The following EYS variants were observed in gnomAD, a reference collection of about 807,000 sequenced individuals.
The protein encoded by EYS is EGF-like photoreceptor maintenance factor.
EYS carries 250 observed loss-of-function variants against 282.1 expected under a neutral mutation model. The ratio of observed to expected loss-of-function variants is 0.89; its 90% CI spans 0.80 to 0.98. The LOEUF is 0.98. Among genes scored for constraint, EYS ranks in the 50% least tolerant of loss-of-function variants. EYS has a pLI of 0.00. For missense variants in EYS, 4,016 were observed against 3,709.0 expected (o/e 1.08, Z -2.15); for synonymous variants, 1,355 against 1,282.9 (o/e 1.06, Z -1.20).
intron 5 of EYS, among the ~76,000 whole-genome samples, chr6:65,417,333 T>A (rs573310994): frequency 6.6e-6 from 1 of 152,104 alleles, no homozygotes; most frequent in African/African-American, 2.4e-5. Flanking sequence ...TTAAGTAAAG[T>A]TATTATCTTG....
At chr6:65,644,704 A>C (rs1385153059) in intron 1 of EYS, among the ~76,000 whole-genome samples, 1 of 152,230 alleles carries the variant, frequency 6.6e-6, no homozygotes, top group East Asian at 1.9e-4. Flanking sequence ...CTATCAGATT[A>C]ACAGCAGATT....
chr6:63,894,165 G>A (rs1467001904), intron 35 of EYS, among the ~76,000 whole-genome samples: 1 of 152,180 alleles, frequency 6.6e-6, no homozygotes, highest in Non-Finnish European at 1.5e-5. Context: ...TGCATTTGGA[G>A]TCTAGACAAG....
chr6:65,637,971 G>T (rs148921809), intron 2 of EYS, among the ~76,000 whole-genome samples: 1 of 152,342 alleles, frequency 6.6e-6, no homozygotes, highest in African/African-American at 2.4e-5. Flanking sequence ...CCACCTTCAA[G>T]GCAGGGATGG....
At chr6:64,303,460 A>C (rs1282490436) in intron 30 of EYS, among the ~76,000 whole-genome samples, 1 of 152,184 alleles carries the variant, frequency 6.6e-6, no homozygotes, top group East Asian at 1.9e-4. Context: ...AAATAACAGA[A>C]AAGGGGGAGA....
chr6:64,138,859 C>T (rs1057117677), intron 31 of EYS, among the ~76,000 whole-genome samples: 5 of 152,044 alleles, frequency 3.3e-5, no homozygotes, highest in South Asian at 2.1e-4. Context: ...AATTAAAATC[C>T]GAAGCATGTT....
At chr6:64,410,106 T>C (rs1348555300) in intron 28 of EYS, among the ~76,000 whole-genome samples, 1 of 152,002 alleles carries the variant, frequency 6.6e-6, no homozygotes, top group African/African-American at 2.4e-5. Context: ...ACTGTGTTAG[T>C]GCAGATAAAA....
chr6:65,158,396 G>A (rs1764777351), intron 12 of EYS, among the ~76,000 whole-genome samples: 2 of 150,774 alleles, frequency 1.3e-5, no homozygotes, highest in Admixed American at 1.3e-4. Flanking sequence ...AATAATCAAT[G>A]ATAAAGCTAA....
At chr6:65,201,986 C>T (rs1765913757) in intron 12 of EYS, among the ~76,000 whole-genome samples, 1 of 152,012 alleles carries the variant, frequency 6.6e-6, no homozygotes, top group Non-Finnish European at 1.5e-5. Context: ...GTGACGCACA[C>T]CTGTAGTCCC....
intron 31 of EYS, among the ~76,000 whole-genome samples, chr6:64,092,707 T>C (rs1267863991): frequency 6.6e-6 from 1 of 151,764 alleles, no homozygotes; most frequent in Non-Finnish European, 1.5e-5. Flanking sequence ...GTAGGTTGCC[T>C]GTTCACTCTG....
intron 22 of EYS, among the ~76,000 whole-genome samples, chr6:64,656,682 T>A (rs1469001044): frequency 6.6e-6 from 1 of 152,142 alleles, no homozygotes; most frequent in Non-Finnish European, 1.5e-5. Flanking sequence ...CTAAGAAAGC[T>A]AAGGTGTGTA....
At chr6:63,869,345 G>A (rs374416086) in intron 35 of EYS, among the ~76,000 whole-genome samples, 6 of 151,952 alleles carry the variant, frequency 3.9e-5, no homozygotes, top group Admixed American at 6.6e-5. Flanking sequence ...ATAATCTCTC[G>A]CCTTCTCTCT....
Position 65,456,013 on chromosome 6 carries a change from G to GT in EYS, c.862+34580_862+34581insA, listed in dbSNP as rs1764592791. 7.0e-5 allele frequency among the ~76,000 whole-genome samples: 7 copies of GT among 99,534 alleles called. 1 individual carries two copies. In the South Asian group the frequency reaches 1.9e-3, roughly 27 times the overall value. 65.3% of individuals were successfully genotyped at this position (99,534 alleles called of 152,430 possible). A position where few individuals can be genotyped will look rare whatever the true frequency, so the allele number is the denominator to read the frequency against. On this transcript the variant is annotated intron_variant, in intron 5 of 42. Transcript: ENST00000503581. ...AGAGAGAGAAAGAAAAAGAAAGAAA[G>GT]AAGGAAGGAAGGAAGGGAAGAAAGA...
intron 22 of EYS, among the ~76,000 whole-genome samples, chr6:64,789,400 A>G (rs570495338): frequency 7.8e-4 from 119 of 152,250 alleles, no homozygotes; most frequent in Admixed American, 1.7e-3. Flanking sequence ...ATGCACATAC[A>G]CGTTCTCTCA....
intron 5 of EYS, among the ~76,000 whole-genome samples, chr6:65,433,645 G>C (rs1029844536): frequency 6.6e-6 from 1 of 152,132 alleles, no homozygotes; most frequent in African/African-American, 2.4e-5. Context: ...GATTTAGTAC[G>C]TTATTCAGAA....
intron 5 of EYS, among the ~76,000 whole-genome samples, chr6:65,430,361 A>G (rs1367718656): frequency 6.6e-6 from 1 of 152,170 alleles, no homozygotes; most frequent in Non-Finnish European, 1.5e-5. Context: ...CCCTAGCCAG[A>G]GGTGAACCAC....
chr6:64,636,298 C>T (rs976428072), intron 22 of EYS, among the ~76,000 whole-genome samples: 1 of 152,100 alleles, frequency 6.6e-6, no homozygotes, highest in Non-Finnish European at 1.5e-5. Context: ...TATCTACAAC[C>T]ATCTGATCTT....
At chr6:65,060,434 G>T (rs981210893) in intron 12 of EYS, among the ~76,000 whole-genome samples, 1 of 151,914 alleles carries the variant, frequency 6.6e-6, no homozygotes, top group Non-Finnish European at 1.5e-5. Flanking sequence ...CAGTGCTTTA[G>T]CAGGAGAAAT....
At chr6:65,068,131 A>C (rs2150163966) in intron 12 of EYS, among the ~76,000 whole-genome samples, 1 of 152,220 alleles carries the variant, frequency 6.6e-6, no homozygotes, top group South Asian at 2.1e-4. Context: ...TAAAGATTTT[A>C]TTGCCTGAGA....
intron 33 of EYS, among the ~76,000 whole-genome samples, chr6:64,030,439 A>G (rs1240971970): frequency 6.6e-6 from 1 of 152,186 alleles, no homozygotes; most frequent in African/African-American, 2.4e-5. Flanking sequence ...AATCCCAAAT[A>G]GACTCTTTGG....
Sources: allele counts gnomAD v4.1 joint callset (sites outside exome capture counted in the v4.1 genomes callset), GRCh38; gene constraint gnomAD v4.1.1; transcripts MANE v1.5; gene names NCBI Gene and HGNC (gene_info 2026-07-23, HGNC 2026-07-21).